The following NRXN3 variants were observed in gnomAD, a reference collection of about 807,000 sequenced individuals.
The protein encoded by NRXN3 is neurexin 3, also known as neurexin III.
Under a neutral mutation model 137.6 loss-of-function variants are expected in NRXN3, and 32 were observed. That is an observed-to-expected ratio of 0.23 (90% CI 0.18 to 0.31). The LOEUF is 0.31. NRXN3 is among the 10% of genes least tolerant of loss of function. The pLI is 1.00. For missense variants in NRXN3, 1,574 were observed against 2,062.5 expected (o/e 0.76, Z 4.59); for synonymous variants, 798 against 784.5 (o/e 1.02, Z -0.29).
At chr14:78,646,976 C>G (rs2097694401) in intron 5 of NRXN3, among the ~76,000 whole-genome samples, 1 of 152,084 alleles carries the variant, frequency 6.6e-6, no homozygotes, top group African/African-American at 2.4e-5. Flanking sequence ...TTGGCAGGTA[C>G]AAAATAACAC....
chr14:78,381,546 G>T (rs1425736194), intron 4 of NRXN3, among the ~76,000 whole-genome samples: 1 of 152,144 alleles, frequency 6.6e-6, no homozygotes, highest in African/African-American at 2.4e-5. Context: ...TGCAATAACT[G>T]CATGACCCAG....
intron 4 of NRXN3, among the ~76,000 whole-genome samples, chr14:78,448,138 C>G (rs146443188): frequency 2.0e-5 from 3 of 152,326 alleles, no homozygotes; most frequent in Non-Finnish European, 4.4e-5. Flanking sequence ...TCTAGAACTC[C>G]TAGATAGTCT....
intron 19 of NRXN3, among the ~76,000 whole-genome samples, chr14:79,766,696 C>T (rs1568170355): frequency 6.6e-6 from 1 of 152,214 alleles, no homozygotes; most frequent in Non-Finnish European, 1.5e-5. Context: ...TTAGAATTTA[C>T]ATGAGTTCAT....
intron 16 of NRXN3, among the ~76,000 whole-genome samples, chr14:79,642,931 G>T (rs1292958442): frequency 7.3e-6 from 1 of 136,260 alleles, no homozygotes; most frequent in African/African-American, 2.4e-5. Context: ...TGGGTCAGAA[G>T]CTGGGTATTA....
chr14:79,207,438 AG>A (rs1214840927), intron 15 of NRXN3, among the ~76,000 whole-genome samples: 2 of 152,224 alleles, frequency 1.3e-5, no homozygotes, highest in Admixed American at 6.5e-5. Flanking sequence ...AGGAATAGCA[AG>A]CATTTCAAAG....
chr14:79,535,259 A>G (rs1276587920), intron 16 of NRXN3, among the ~76,000 whole-genome samples: 1 of 152,192 alleles, frequency 6.6e-6, no homozygotes, highest in Non-Finnish European at 1.5e-5. Context: ...TGAAAGTGAA[A>G]GCATGTTTGT....
chr14:79,008,989 T>C (rs554707497), intron 15 of NRXN3, among the ~76,000 whole-genome samples: 2 of 152,044 alleles, frequency 1.3e-5, no homozygotes, highest in Non-Finnish European at 2.9e-5. Context: ...TCAAGTTAGA[T>C]GGTTTAAGTA....
chr14:78,350,423 G>A (rs890561592), intron 4 of NRXN3, among the ~76,000 whole-genome samples: 5 of 152,066 alleles, frequency 3.3e-5, no homozygotes, highest in African/African-American at 1.2e-4. Flanking sequence ...GGGGGAAAGG[G>A]CACCCCAACA....
intron 16 of NRXN3, among the ~76,000 whole-genome samples, chr14:79,615,532 T>A (rs551772510): frequency 6.6e-6 from 1 of 152,272 alleles, no homozygotes; most frequent in Non-Finnish European, 1.5e-5. Context: ...TAAAAAACTG[T>A]CCAAGACTGG....
intron 15 of NRXN3, among the ~76,000 whole-genome samples, chr14:79,425,406 A>G (rs1160912817): frequency 6.6e-6 from 1 of 152,256 alleles, no homozygotes; most frequent in Non-Finnish European, 1.5e-5. Context: ...ATTCTTAGAA[A>G]ACCTTCAGTG....
At chr14:79,012,969 G>A (rs1311972009) in intron 15 of NRXN3, among the ~76,000 whole-genome samples, 2 of 152,116 alleles carry the variant, frequency 1.3e-5, no homozygotes, top group Non-Finnish European at 1.5e-5. Context: ...TTATAGTAAT[G>A]TTTTTTGACA....
chr14:79,780,320 G>A lies in NRXN3; in HGVS notation c.4015-24792G>A, dbSNP rs923047643. ...TTATTTATTATAAAATCTTTTACCA[G>A]CTGGGCATGGTGGCTCATGCCTGTA... On this transcript the variant is annotated intron_variant, in intron 19 of 20. Transcript: ENST00000335750. Among the ~76,000 whole-genome samples, 5 of 152,200 alleles carry A rather than the reference G, an allele frequency of 3.3e-5. No individual in the cohort carries two copies. The East Asian group carries it at 9.7e-4, about 29-fold the overall frequency.
chr14:79,479,197 G>A (rs2096585357), intron 16 of NRXN3, among the ~76,000 whole-genome samples: 1 of 152,020 alleles, frequency 6.6e-6, no homozygotes, highest in Non-Finnish European at 1.5e-5. Context: ...AATTCCGCTG[G>A]CTGACTTTTC....
At chr14:78,643,425 G>A (rs1421069904) in intron 4 of NRXN3, among the ~76,000 whole-genome samples, 2 of 152,136 alleles carry the variant, frequency 1.3e-5, no homozygotes, top group African/African-American at 2.4e-5. Context: ...ACCAACTCTG[G>A]TATGAAGTAG....
intron 1 of NRXN3, among the ~76,000 whole-genome samples, chr14:78,216,611 C>G (rs2063308858): frequency 6.6e-6 from 1 of 152,186 alleles, no homozygotes; most frequent in Admixed American, 6.5e-5. Flanking sequence ...TGAAGACCTC[C>G]CCAGCAATGC....
intron 15 of NRXN3, among the ~76,000 whole-genome samples, chr14:79,068,508 G>C (rs2099683542): frequency 6.6e-6 from 1 of 152,016 alleles, no homozygotes; most frequent in Admixed American, 6.6e-5. Flanking sequence ...ATGTACATAT[G>C]CTGCCTTGCT....
intron 15 of NRXN3, among the ~76,000 whole-genome samples, chr14:79,375,537 G>A (rs2094247260): frequency 6.6e-6 from 1 of 152,010 alleles, no homozygotes; most frequent in South Asian, 2.1e-4. Flanking sequence ...TCCGCAGCGG[G>A]ACGTGCACTT....
At chr14:79,459,535 C>T (rs1026569863) in intron 15 of NRXN3, among the ~76,000 whole-genome samples, 7 of 152,020 alleles carry the variant, frequency 4.6e-5, no homozygotes, top group Non-Finnish European at 1.0e-4. Context: ...GCACTGCTAA[C>T]ACTTTGATCT....
intron 10 of NRXN3, among the ~76,000 whole-genome samples, chr14:78,864,632 C>A (rs1053981576): frequency 6.6e-6 from 1 of 152,004 alleles, no homozygotes; most frequent in Non-Finnish European, 1.5e-5. Flanking sequence ...TAATAAGAGA[C>A]AGATTAACAG....
Sources: allele counts gnomAD v4.1 joint callset (sites outside exome capture counted in the v4.1 genomes callset), GRCh38; gene constraint gnomAD v4.1.1; transcripts MANE v1.5; gene names NCBI Gene and HGNC (gene_info 2026-07-23, HGNC 2026-07-21).